Variants in VSIG4 observed in about 807,000 individuals in gnomAD.
VSIG4 encodes V-set and immunoglobulin domain-containing protein 4.
In VSIG4, 34 loss-of-function variants were observed where a neutral mutation model predicts 23.4. The ratio of observed to expected loss-of-function variants is 1.45; its 90% CI spans 1.10 to 1.93. The LOEUF (loss-of-function observed/expected upper bound fraction) is 1.93. VSIG4 is among the 30% of genes most tolerant of loss of function. The pLI, the probability that VSIG4 is intolerant of heterozygous loss-of-function variation, is 0.00. For synonymous variants in VSIG4, 169 were observed against 120.3 expected (o/e 1.41, Z -2.65); for missense variants, 433 against 310.8 (o/e 1.39, Z -2.96).
intron 7 of VSIG4, 24 bp downstream of exon 7, chrX:66,022,817 A>G (rs1158732026): frequency 1.7e-6 from 2 of 1,209,951 alleles, no homozygotes; most frequent in African/African-American, 3.5e-5. Context: ...GGGGTCAAAA[A>G]TGGAAGAGGA....
intron 1 of VSIG4, among the ~76,000 whole-genome samples, chrX:66,038,942 C>T (rs997549093): frequency 2.7e-5 from 3 of 111,207 alleles, no homozygotes; most frequent in Non-Finnish European, 3.8e-5. Flanking sequence ...GCAAAATCCC[C>T]CTTTACCCTA....
chrX:66,025,018 C>T lies in VSIG4; in HGVS notation c.940+7G>A. The T allele has an allele frequency of 1.7e-6, 2 of 1,168,931 alleles. No individual in the cohort carries two copies. Among genetic ancestry groups the T allele is most frequent in the South Asian group, 3.8e-5 (2 of 51,971 alleles). On this transcript the variant is annotated splice_region_variant and intron_variant, in intron 6 of 7. Coordinates refer to ENST00000374737, the MANE Select transcript of VSIG4 (RefSeq NM_007268.3). Reference sequence around the variant, plus strand: ...GCCAAAGCCACCTTCTCATATTCATCACTAACCTTGTTGGGATGTCTTCCG... The same window carrying T: ...GCCAAAGCCACCTTCTCATATTCATTACTAACCTTGTTGGGATGTCTTCCG...
At chrX:66,027,572 A>AG in intron 4 of VSIG4, 46 bp from the exon 5 acceptor site, 1 of 1,052,689 alleles carries the variant, frequency 9.5e-7, no homozygotes, top group Non-Finnish European at 1.3e-6. Flanking sequence ...CTTCTTTCAA[A>AG]AAGTTGAGAG....
rs1294137866 is a variant in VSIG4, at chrX:66,032,520, C to T, written c.642G>A (p.Lys214=). 4 of 1,210,267 alleles carry T rather than the reference C, an allele frequency of 3.3e-6. No individual in the cohort carries two copies. The highest frequency in any genetic ancestry group is 1.8e-5 in the South Asian group (1 of 56,851). The change falls in exon 3 of 8, where the codon AAG becomes AAA. Residue 214 remains lysine, a synonymous_variant. Coordinates refer to ENST00000374737, the MANE Select transcript of VSIG4 (RefSeq NM_007268.3). ...TGTGCTGCTCAGAGCCAACCTGGCC[C>T]TTGGCAGTGCAGAAATAGGAGCCTG... ...ADSGSYFCTA[K]GQVGSEQHSD...
chrX:66,027,626 G>A (rs987953494), intron 4 of VSIG4, 100 bp from the exon 5 acceptor site: 1 of 644,814 alleles, frequency 1.6e-6, no homozygotes, highest in Non-Finnish European at 2.5e-6. Context: ...CTGGCCATTT[G>A]TGCTGTACTT....
intron 5 of VSIG4, among the ~76,000 whole-genome samples, chrX:66,025,640 G>A (rs1218538342): frequency 8.9e-6 from 1 of 111,821 alleles, no homozygotes; most frequent in Non-Finnish European, 1.9e-5. Context: ...AACTGGACTT[G>A]GCTTCCAGTC....
chrX:66,039,885 A>G (rs760462889), intron 1 of VSIG4, 59 bp downstream of exon 1: 118 of 1,185,489 alleles, frequency 1.0e-4, no homozygotes, highest in Non-Finnish European at 1.3e-4. Flanking sequence ...ATTAAACACC[A>G]ACCCTCTAGC....
chrX:66,030,762 G>T (rs1016057020), intron 3 of VSIG4, among the ~76,000 whole-genome samples: 1 of 111,703 alleles, frequency 9.0e-6, no homozygotes, highest in Admixed American at 9.5e-5. Context: ...ATAGACACAC[G>T]GCATGGGGTC....
chrX:66,033,948 T>C (rs2085500308), intron 1 of VSIG4, 118 bp from the exon 2 acceptor site: 1 of 577,787 alleles, frequency 1.7e-6, no homozygotes, highest in East Asian at 3.4e-5. Flanking sequence ...TTTCTTTCTA[T>C]CACACTTTTG....
At chrX:66,030,940 G>A (rs777073687) in intron 3 of VSIG4, among the ~76,000 whole-genome samples, 1 of 110,931 alleles carries the variant, frequency 9.0e-6, no homozygotes, top group South Asian at 3.8e-4. Context: ...AGGGTGAAAG[G>A]GCTGAGAGTT....
At chrX:66,027,383 G>A in intron 5 of VSIG4, 66 bp downstream of exon 5, 6 of 962,314 alleles carry the variant, frequency 6.2e-6, no homozygotes, top group Admixed American at 2.6e-5. Flanking sequence ...GTGTGCATAA[G>A]GGAAAGTTTT....
chrX:66,036,871 T>C (rs1274687980), intron 1 of VSIG4, among the ~76,000 whole-genome samples: 2 of 41,163 alleles, frequency 4.9e-5, no homozygotes, highest in Non-Finnish European at 7.4e-5. Flanking sequence ...TAATATATTA[T>C]ATTATATATT....
At chrX:66,037,288 A>T (rs1224781161) in intron 1 of VSIG4, among the ~76,000 whole-genome samples, 6 of 24,198 alleles carry the variant, frequency 2.5e-4, no homozygotes, top group Non-Finnish European at 3.7e-4. Flanking sequence ...ATAATATATA[A>T]TATATATTAT....
At position 66,023,592 on chromosome X, in the gene VSIG4, T is replaced by A. The variant is rs17322945; in HGVS notation, c.941-730A>T. On this transcript the variant is annotated intron_variant, in intron 6 of 7. Transcript: ENST00000374737. ...TCGCCCATTGGCCTATGAGCACCTG[T>A]ACCGCAAGGGTCGTGTCTTTTTCAT... Among the ~76,000 whole-genome samples the A allele has an allele frequency of 7.0e-4, 79 of 112,855 alleles. 1 individual carries two copies. The East Asian group carries it at 0.02, about 28-fold the overall frequency.
In VSIG4 at chrX:66,036,005, G is replaced by A. The variant is rs895955399; in HGVS notation, c.56-2175C>T. On this transcript the variant is annotated intron_variant, in intron 1 of 7. Coordinates refer to ENST00000374737, the MANE Select transcript of VSIG4 (RefSeq NM_007268.3). ...GGCCTATCAAGAAAATTGCTAGATA[G>A]TCTCAATTTCTCAGTTTTGAAAATC... Among the ~76,000 whole-genome samples, 5 of 111,934 alleles carry A rather than the reference G, an allele frequency of 4.5e-5. No homozygotes were observed. The Admixed American group carries it at 4.8e-4, about 11-fold the overall frequency.
At chrX:66,027,742 G>A (rs1353177717) in intron 4 of VSIG4, among the ~76,000 whole-genome samples, 3 of 112,152 alleles carry the variant, frequency 2.7e-5, no homozygotes, top group African/African-American at 9.7e-5. Flanking sequence ...TCGAGGGGAG[G>A]TAATGTACCC....
chrX:66,039,444 A>G (rs892394639), intron 1 of VSIG4, among the ~76,000 whole-genome samples: 2 of 111,904 alleles, frequency 1.8e-5, no homozygotes, highest in Non-Finnish European at 3.8e-5. Flanking sequence ...GAACAGTGAA[A>G]TCTCAATCAC....
Position 66,032,476 on chromosome X carries a change from A to G in VSIG4, c.686T>C (p.Val229Ala). 8.3e-7 allele frequency: 1 copy of G among 1,209,321 alleles called. No homozygotes were observed. Among genetic ancestry groups the G allele is most frequent in the Non-Finnish European group, 1.1e-6 (1 of 893,763 alleles). ...GAAAGAGGGCCGCTCACCTTTGACC[A>G]CAAACTTCACAATGTCGCTGTGCTG... ...SEQHSDIVKF[V>A]VKDSSKLLKT... is the part of the protein sequence containing the mutation. Residue 229 changes from valine to alanine, a missense_variant, in exon 3 of 8, where the codon GTG (valine) becomes GCG (alanine). Coordinates refer to ENST00000374737, the MANE Select transcript of VSIG4 (RefSeq NM_007268.3).
At chrX:66,026,440 T>C (rs2085391812) in intron 5 of VSIG4, among the ~76,000 whole-genome samples, 1 of 111,988 alleles carries the variant, frequency 8.9e-6, no homozygotes. Context: ...TGCCCAAGGT[T>C]ATTTTCTCAT....
Sources: allele counts gnomAD v4.1 joint callset (sites outside exome capture counted in the v4.1 genomes callset), GRCh38; gene constraint gnomAD v4.1.1; transcripts MANE v1.5; gene names NCBI Gene and HGNC (gene_info 2026-07-23, HGNC 2026-07-21).